The following CDC14A variants were observed in gnomAD, a reference collection of about 807,000 sequenced individuals.
CDC14A encodes the protein cell division cycle 14A.
CDC14A carries 53 observed loss-of-function variants against 74.4 expected under a neutral mutation model. The observed-to-expected ratio is 0.71, with a 90% confidence interval of 0.57 to 0.89. The LOEUF is 0.89. Among genes scored for constraint, CDC14A ranks in the 40% least tolerant of loss-of-function variants. The pLI is 0.00. For synonymous variants in CDC14A, 247 were observed against 258.4 expected, an observed-to-expected ratio of 0.96 and a Z score of 0.43; for missense variants, 646 against 713.7, an observed-to-expected ratio of 0.91 and a Z score of 1.08.
chr1:100,412,726 T>TATAAA (rs1660965355), intron 4 of CDC14A, among the ~76,000 whole-genome samples: 6 of 80,218 alleles, frequency 7.5e-5, no homozygotes, highest in African/African-American at 5.5e-4. Context: ...ATATATATTT[T>TATAAA]ATATATATAT....
chr1:100,481,385 G>C (rs1381266296), intron 10 of CDC14A, among the ~76,000 whole-genome samples: 1 of 152,136 alleles, frequency 6.6e-6, no homozygotes. Context: ...GGAAGTGAAG[G>C]AGGACAGGTC....
At chr1:100,420,039 C>CATATATATAT (rs1383196707) in intron 4 of CDC14A, among the ~76,000 whole-genome samples, 1 of 9,212 alleles carries the variant, frequency 1.1e-4, no homozygotes, top group Non-Finnish European at 2.1e-4. Context: ...TATACACACA[C>CATATATATAT]ACACACACAC....
chr1:100,347,474 T>TA (rs532477549), upstream of CDC14A, among the ~76,000 whole-genome samples: 117 of 152,338 alleles, frequency 7.7e-4, 1 homozygote, highest in South Asian at 0.013. Flanking sequence ...TTGGAATTCT[T>TA]AAACAGGCAT....
At chr1:100,446,039 C>G (rs1665508172) in intron 7 of CDC14A, among the ~76,000 whole-genome samples, 1 of 152,070 alleles carries the variant, frequency 6.6e-6, no homozygotes, top group Non-Finnish European at 1.5e-5. Context: ...TGCTGTTTGC[C>G]CTGTTCTAGT....
At chr1:100,509,775 T>C (rs1649563647) in intron 15 of CDC14A, among the ~76,000 whole-genome samples, 1 of 152,192 alleles carries the variant, frequency 6.6e-6, no homozygotes, top group African/African-American at 2.4e-5. Flanking sequence ...GGTTGATATA[T>C]GTGGGAGAGA....
intron 4 of CDC14A, among the ~76,000 whole-genome samples, chr1:100,422,996 T>G (rs1294968571): frequency 3.3e-5 from 5 of 152,154 alleles, no homozygotes; most frequent in Non-Finnish European, 7.3e-5. Context: ...TGGGACATAC[T>G]AAGGAAATAG....
chr1:100,478,034 TAC>T (rs1669095383), intron 10 of CDC14A, among the ~76,000 whole-genome samples: 1 of 152,184 alleles, frequency 6.6e-6, no homozygotes, highest in South Asian at 2.1e-4. Context: ...TCTCCTTTGT[TAC>T]AGTCTGAAAT....
intron 6 of CDC14A, 137 bp downstream of exon 6, chr1:100,440,135 G>A: frequency 1.6e-6 from 1 of 644,632 alleles, no homozygotes; most frequent in Non-Finnish European, 2.7e-6. Flanking sequence ...CTTCTTGAAG[G>A]ATGATTGATT....
intron 7 of CDC14A, among the ~76,000 whole-genome samples, chr1:100,453,827 A>G (rs113257866): frequency 2.0e-5 from 3 of 152,222 alleles, no homozygotes; most frequent in African/African-American, 7.2e-5. Flanking sequence ...TTTTTAGTAG[A>G]GACGGGGTTT....
At chr1:100,357,099 G>A (rs1355335558) in intron 2 of CDC14A, among the ~76,000 whole-genome samples, 1 of 152,002 alleles carries the variant, frequency 6.6e-6, no homozygotes, top group African/African-American at 2.4e-5. Flanking sequence ...AATTGGCTTT[G>A]GTGGGAAGAT....
chr1:100,404,126 G>A (rs1003056466), intron 4 of CDC14A, among the ~76,000 whole-genome samples: 9 of 151,468 alleles, frequency 5.9e-5, no homozygotes, highest in Admixed American at 1.3e-4. Context: ...AGAGCTAACC[G>A]CTTGCAGTGA....
At chr1:100,467,549 A>G (rs1441430730) in intron 9 of CDC14A, among the ~76,000 whole-genome samples, 1 of 152,080 alleles carries the variant, frequency 6.6e-6, no homozygotes. Flanking sequence ...CCCAGTCCTA[A>G]TGGATTTCTA....
rs146551297 is a variant in CDC14A, at chr1:100,459,839, T to C, written c.608-2812T>C. 6.9e-3 allele frequency among the ~76,000 whole-genome samples: 1,054 copies of C among 152,364 alleles called. 3 individuals are homozygous for C. Among genetic ancestry groups the C allele is most frequent in the Non-Finnish European group, 8.9e-3 (603 of 68,032 alleles). On this transcript the variant is annotated intron_variant, in intron 8 of 15. Transcript: ENST00000336454. Reference sequence around the variant, plus strand: ...CATCCGTAAAAGCCACAAACAGTTGTTCACAGGTCATAGGACATTTCCATT... The same window carrying C: ...CATCCGTAAAAGCCACAAACAGTTGCTCACAGGTCATAGGACATTTCCATT...
chr1:100,428,058 G>A (rs759245735), intron 5 of CDC14A, among the ~76,000 whole-genome samples: 14 of 152,272 alleles, frequency 9.2e-5, no homozygotes, highest in Admixed American at 2.0e-4. Flanking sequence ...TATATAATAC[G>A]AAGTTCACAG....
chr1:100,451,751 T>G (rs1347363559), intron 7 of CDC14A, among the ~76,000 whole-genome samples: 1 of 152,202 alleles, frequency 6.6e-6, no homozygotes, highest in Non-Finnish European at 1.5e-5. Context: ...CTTTAATGGA[T>G]AAAACGAAGA....
In CDC14A at chr1:100,493,160, A is replaced by G. The variant is rs554612244; in HGVS notation, c.1138-1658A>G. On this transcript the variant is annotated intron_variant, in intron 11 of 15. Transcript: ENST00000336454. ...GAATTTTGAAGGTGTTTCTAGTGGG[A>G]AACATAAAGATCCTCCTAGTTGGAG... is the stretch of plus-strand genomic sequence containing the variant. 1.1e-4 allele frequency among the ~76,000 whole-genome samples: 17 copies of G among 152,294 alleles called. No homozygotes were observed. The East Asian group carries it at 3.3e-3, about 29-fold the overall frequency.
intron 10 of CDC14A, among the ~76,000 whole-genome samples, chr1:100,483,548 A>T (rs1669711730): frequency 6.6e-6 from 1 of 152,192 alleles, no homozygotes. Context: ...GATAGAAATA[A>T]AGTGATTTTA....
chr1:100,410,761 G>T, intron 4 of CDC14A, among the ~76,000 whole-genome samples: 1 of 152,182 alleles, frequency 6.6e-6, no homozygotes, highest in Non-Finnish European at 1.5e-5. Flanking sequence ...AAGTTGTTAA[G>T]ATCCTTTTAT....
chr1:100,382,728 A>C (rs1571014233), intron 3 of CDC14A, among the ~76,000 whole-genome samples: 2 of 152,362 alleles, frequency 1.3e-5, no homozygotes, highest in Admixed American at 1.3e-4. Context: ...AAAGGATTAA[A>C]GGAGTATTCA....
Sources: allele counts gnomAD v4.1 joint callset (sites outside exome capture counted in the v4.1 genomes callset), GRCh38; gene constraint gnomAD v4.1.1; transcripts MANE v1.5; gene names NCBI Gene and HGNC (gene_info 2026-07-23, HGNC 2026-07-21).